LRPPRC: variants seen among roughly 807,000 people sequenced by gnomAD.
The protein encoded by LRPPRC is leucine-rich PPR motif-containing protein, mitochondrial.
In LRPPRC, 120 loss-of-function variants were observed where a neutral mutation model predicts 180.3. The ratio of observed to expected loss-of-function variants is 0.67; its 90% CI spans 0.57 to 0.77. The LOEUF (loss-of-function observed/expected upper bound fraction) is 0.77. LRPPRC is among the 30% of genes least tolerant of loss of function. LRPPRC has a pLI of 0.00. For synonymous variants in LRPPRC, 723 were observed against 600.0 expected, an observed-to-expected ratio of 1.21 and a Z score of -3.00; for missense variants, 2,012 against 1,657.2, an observed-to-expected ratio of 1.21 and a Z score of -3.72.
chr2:43,942,043 T>C (rs1027649931), intron 23 of LRPPRC, among the ~76,000 whole-genome samples: 2 of 152,110 alleles, frequency 1.3e-5, no homozygotes, highest in African/African-American at 4.8e-5. Context: ...GCACAGAGGA[T>C]GCTCTAGGTT....
intron 11 of LRPPRC, among the ~76,000 whole-genome samples, chr2:43,971,976 T>G (rs1673835869): frequency 6.9e-6 from 1 of 144,418 alleles, no homozygotes; most frequent in African/African-American, 2.7e-5. Context: ...CTTCATCGAT[T>G]AAAAAATTCA....
At chr2:43,967,985 T>C (rs1673635245) in intron 11 of LRPPRC, among the ~76,000 whole-genome samples, 1 of 152,082 alleles carries the variant, frequency 6.6e-6, no homozygotes, top group Non-Finnish European at 1.5e-5. Context: ...AATAGATTTG[T>C]GTTAATCTTA....
At chr2:43,984,373 T>A (rs1203220511) in intron 1 of LRPPRC, among the ~76,000 whole-genome samples, 3 of 152,216 alleles carry the variant, frequency 2.0e-5, no homozygotes, top group African/African-American at 7.2e-5. Flanking sequence ...ATTTTTTAAA[T>A]GTAAGAGAAG....
At chr2:43,896,213 TC>T (rs1324108214) in intron 35 of LRPPRC, 42,247 of 110,948 alleles carry the variant, frequency 0.38, 9,452 homozygotes, top group East Asian at 0.86. Context: ...TTTCTTTCTT[TC>T]TTTCTTTCTT....
At chr2:43,901,644 T>C (rs1193215525) in intron 31 of LRPPRC, 120 bp from the exon 32 acceptor site, 1 of 697,542 alleles carries the variant, frequency 1.4e-6, no homozygotes, top group African/African-American at 1.8e-5. Context: ...CTATGAATAA[T>C]TAATTTTAGA....
At chr2:43,929,735 A>G (rs1037468009) in intron 25 of LRPPRC, among the ~76,000 whole-genome samples, 1 of 152,186 alleles carries the variant, frequency 6.6e-6, no homozygotes, top group African/African-American at 2.4e-5. Context: ...GTCTTTTAGC[A>G]TTTGTCCTTT....
intron 29 of LRPPRC, among the ~76,000 whole-genome samples, chr2:43,915,484 G>C (rs1417167670): frequency 6.6e-6 from 1 of 151,686 alleles, no homozygotes. Context: ...AGGAATTTGA[G>C]ATCAGCCTGG....
intron 23 of LRPPRC, among the ~76,000 whole-genome samples, chr2:43,943,110 CATT>C (rs1558981371): frequency 6.6e-6 from 1 of 152,082 alleles, no homozygotes; most frequent in South Asian, 2.1e-4. Context: ...ATGTTTTATT[CATT>C]ATAAAATAGA....
At chr2:43,912,321 G>A (rs1671291236) in intron 30 of LRPPRC, 111 bp downstream of exon 30, 1 of 933,708 alleles carries the variant, frequency 1.1e-6, no homozygotes. Flanking sequence ...ATGGGTAGCT[G>A]AGGCCAATCA....
chr2:43,943,937 A>C (rs1238043778), intron 22 of LRPPRC, 43 bp from the exon 23 acceptor site: 1 of 1,422,298 alleles, frequency 7.0e-7, no homozygotes, highest in Non-Finnish European at 9.9e-7. Flanking sequence ...AATTTCATGT[A>C]GGGAAAACAA....
chr2:43,943,981 G>T (rs950789608), intron 22 of LRPPRC, 87 bp from the exon 23 acceptor site: 3 of 930,580 alleles, frequency 3.2e-6, no homozygotes, highest in Non-Finnish European at 5.2e-6. Flanking sequence ...AGCCCAGCAG[G>T]AATGTAAATT....
intron 5 of LRPPRC, 68 bp downstream of exon 5, chr2:43,976,926 G>GT: frequency 7.8e-7 from 1 of 1,289,842 alleles, no homozygotes; most frequent in Non-Finnish European, 1.1e-6. Flanking sequence ...AAAACAAAGA[G>GT]TGAACAGACA....
At chr2:43,968,586 C>G (rs900017142) in intron 11 of LRPPRC, among the ~76,000 whole-genome samples, 1 of 152,154 alleles carries the variant, frequency 6.6e-6, no homozygotes, top group African/African-American at 2.4e-5. Context: ...ATAAAGAAAG[C>G]TGAAATGCCT....
intron 35 of LRPPRC, 88 bp from the exon 36 acceptor site, chr2:43,894,717 T>C (rs1290116578): frequency 1.1e-5 from 8 of 747,708 alleles, no homozygotes; most frequent in African/African-American, 1.7e-5. Flanking sequence ...ATTAAAAATT[T>C]TCACAATAAT....
chr2:43,985,681 T>C (rs1449818148), intron 1 of LRPPRC, among the ~76,000 whole-genome samples: 6 of 152,236 alleles, frequency 3.9e-5, no homozygotes, highest in African/African-American at 9.6e-5. Context: ...CTTTTCATTG[T>C]TGAATAATGT....
intron 11 of LRPPRC, among the ~76,000 whole-genome samples, chr2:43,973,360 A>G (rs1035865454): frequency 9.2e-5 from 14 of 152,224 alleles, no homozygotes; most frequent in African/African-American, 2.9e-4. Context: ...TACGTTCATT[A>G]AGTTTGAATA....
intron 22 of LRPPRC, 119 bp from the exon 23 acceptor site, chr2:43,944,013 A>C (rs1246330841): frequency 1.4e-6 from 1 of 724,590 alleles, no homozygotes; most frequent in Non-Finnish European, 2.5e-6. Context: ...TGCCGATTTC[A>C]AGTTAATTAC....
rs1674340591 is a variant in LRPPRC, at chr2:43,982,235, T to A, written c.346+3A>T. 6.4e-7 allele frequency: 1 copy of A among 1,556,210 alleles called. No individual in the cohort carries two copies. Among genetic ancestry groups the A allele is most frequent in the South Asian group, 1.2e-5 (1 of 80,608 alleles). ...ACTTTATGAACAGGAAATTTTGAAA[T>A]ACCTGAGCGGCAGGTATCATTAAAA... On this transcript the variant is annotated splice_donor_region_variant and intron_variant, in intron 2 of 37. Transcript: ENST00000260665.
In LRPPRC at chr2:43,918,279, C is replaced by T. The variant is rs1404322747; in HGVS notation, c.3016G>A (p.Glu1006Lys). ...LAEILREGNQ[E>K]VPFDVPELWY... Reference sequence around the variant, plus strand: ...ACCTCAGGTACGTCAAACGGAACTTCCTGGTTACCCTCTCTAAGGATTTCT... The same window carrying T: ...ACCTCAGGTACGTCAAACGGAACTTTCTGGTTACCCTCTCTAAGGATTTCT... The change falls in exon 28 of 38, where the codon GAA (glutamate) becomes AAA (lysine). Residue 1006 changes from glutamate (E) to lysine (K), a missense_variant. Transcript: ENST00000260665. 2 of 1,613,200 alleles carry T rather than the reference C, an allele frequency of 1.2e-6. No individual in the cohort carries two copies. The highest frequency in any genetic ancestry group is 1.1e-5 in the South Asian group (1 of 91,058).
Sources: allele counts gnomAD v4.1 joint callset (sites outside exome capture counted in the v4.1 genomes callset), GRCh38; gene constraint gnomAD v4.1.1; transcripts MANE v1.5; gene names NCBI Gene and HGNC (gene_info 2026-07-23, HGNC 2026-07-21).